Variants in ENOSF1 observed in about 807,000 individuals in gnomAD.
ENOSF1 encodes mitochondrial enolase superfamily member 1.
ENOSF1 carries 73 observed loss-of-function variants against 68.2 expected under a neutral mutation model. That is an observed-to-expected ratio of 1.07 (90% CI 0.89 to 1.30). The LOEUF is 1.30. Ranked by LOEUF, ENOSF1 falls within the 50% of genes most tolerant of loss-of-function variation. The pLI, the probability that ENOSF1 is intolerant of heterozygous loss-of-function variation, is 0.00. For missense variants in ENOSF1, 589 were observed against 554.5 expected (o/e 1.06, Z -0.62); for synonymous variants, 223 against 210.4 (o/e 1.06, Z -0.52).
intron 9 of ENOSF1, 86 bp from the exon 10 acceptor site, chr18:686,094 T>C: frequency 1.1e-6 from 1 of 898,954 alleles, no homozygotes; most frequent in African/African-American, 1.6e-5. Context: ...TGACCGTCTC[T>C]GTCAACAATT....
At chr18:688,645 A>G (rs1367852086) in intron 8 of ENOSF1, 37 bp from the exon 9 acceptor site, 1 of 1,594,316 alleles carries the variant, frequency 6.3e-7, no homozygotes, top group South Asian at 1.1e-5. Flanking sequence ...CACTGGAGAG[A>G]GCCCCTTGGT....
At chr18:689,296 T>G (rs1216437309) in intron 8 of ENOSF1, among the ~76,000 whole-genome samples, 1 of 152,150 alleles carries the variant, frequency 6.6e-6, no homozygotes, top group African/African-American at 2.4e-5. Context: ...TTTGTTGTTT[T>G]TTGAGACGGA....
At chr18:669,648 T>C (rs2606243), downstream of ENOSF1, among the ~76,000 whole-genome samples, 1 of 152,214 alleles carries the variant, frequency 6.6e-6, no homozygotes, top group South Asian at 2.1e-4. Context: ...ATGATCTTAA[T>C]TTGTGTATTT....
intron 10 of ENOSF1, among the ~76,000 whole-genome samples, chr18:684,377 A>T (rs1051361344): frequency 6.6e-6 from 1 of 151,958 alleles, no homozygotes; most frequent in East Asian, 1.9e-4. Context: ...AAAATACAAA[A>T]ATTAGCTGGG....
At chr18:693,090 C>A in intron 5 of ENOSF1, 6 of 1,288,628 alleles carry the variant, frequency 4.7e-6, no homozygotes, top group Non-Finnish European at 6.1e-6. Context: ...GAAACCCGGA[C>A]TCACAGCCAG....
At chr18:688,433 A>T in intron 9 of ENOSF1, 141 bp downstream of exon 9, 1 of 999,542 alleles carries the variant, frequency 1.0e-6, no homozygotes, top group South Asian at 1.5e-5. Flanking sequence ...CTAAGGGGAA[A>T]CTTCTCTTAT....
intron 4 of ENOSF1, 54 bp downstream of exon 4, chr18:694,194 A>T (rs964732015): frequency 1.3e-6 from 2 of 1,537,462 alleles, no homozygotes; most frequent in Non-Finnish European, 9.0e-7. Flanking sequence ...GCGTAGGGAA[A>T]GTCAGTGTCG....
downstream of ENOSF1, among the ~76,000 whole-genome samples, chr18:667,191 AGATGGTGATGGTGATGGT>A (rs1310449953): frequency 2.5e-5 from 1 of 40,014 alleles, no homozygotes; most frequent in East Asian, 1.2e-3. Context: ...ATGGTGATGG[AGATGGTGATGGTGATGGT>A]GATGGAGATG....
At chr18:667,541 TGATGGTGATGGA>T (rs1468414150), downstream of ENOSF1, among the ~76,000 whole-genome samples, 6 of 64,986 alleles carry the variant, frequency 9.2e-5, no homozygotes, top group East Asian at 1.1e-3. Flanking sequence ...ATGGTGATGG[TGATGGTGATGGA>T]GATGGTGATG....
chr18:712,296 G>A lies in ENOSF1; in HGVS notation c.84+208C>T, dbSNP rs2145597190. The A allele has an allele frequency of 8.6e-6, 13 of 1,518,052 alleles. 1 individual carries two copies. The highest frequency in any genetic ancestry group is 2.5e-5 in the East Asian group (1 of 40,092). The allele number at this position is 1,518,052 out of a possible 1,614,324, so 94.0% of individuals were successfully genotyped here. ...GCAATGGGTTCGAAGTCGGGAAGCT[G>A]CCCGGGGCCCGCAGAGCTGCAGTCG... On this transcript the variant is annotated intron_variant, in intron 1 of 15. Coordinates refer to ENST00000647584, the MANE Select transcript of ENOSF1 (RefSeq NM_017512.7).
chr18:670,847 G>A lies in ENOSF1; in HGVS notation c.*3458C>T. The stretch of plus-strand genomic sequence containing the variant: ...CTACGCCCTGCTCACGTACATGATT[G>A]CGCACATCACGGGCCTGAAGGTGGG... On this transcript the variant is annotated 3_prime_UTR_variant, in exon 16 of 16. Transcript: ENST00000647584. 6.2e-7 allele frequency: 1 copy of A among 1,614,098 alleles called. No homozygotes were observed. The highest frequency in any genetic ancestry group is 8.5e-7 in the Non-Finnish European group (1 of 1,180,032).
rs773302484 is a variant in ENOSF1 at position 706,627 on chromosome 18, G to A, written c.85-49C>T. The A allele has an allele frequency of 4.7e-5, 65 of 1,372,218 alleles. No homozygotes were observed. In the African/African-American group the frequency reaches 5.0e-4, roughly 10 times the overall value. 85.0% of individuals were successfully genotyped at this position (1,372,218 alleles called of 1,614,324 possible). A position where few individuals can be genotyped will look rare whatever the true frequency, so the allele number is the denominator to read the frequency against. On this transcript the variant is annotated intron_variant, in intron 1 of 15. Transcript: ENST00000647584. ...GAAACAATGCCAGTGTGAGAAACCC[G>A]AAAAGAACCATGAGAATGATGTCAC... is the stretch of plus-strand genomic sequence containing the variant.
At chr18:687,467 C>T (rs1339567352) in intron 9 of ENOSF1, 1 of 152,206 alleles carries the variant, frequency 6.6e-6, no homozygotes, top group Non-Finnish European at 1.5e-5. Flanking sequence ...GATGCTGGAG[C>T]TCCTGCTCCA....
rs547560904 is a variant in ENOSF1 at position 686,151 on chromosome 18, A to T, written c.654-143T>A. On this transcript the variant is annotated intron_variant, in intron 9 of 15. Coordinates refer to ENST00000647584, the MANE Select transcript of ENOSF1 (RefSeq NM_017512.7). ...CCTCTTGCTCTTTCCTCATCTTCAGATAAGTCACTTGAAATAAACCTGGGA... is the reference window on the plus strand; with the variant it reads ...CCTCTTGCTCTTTCCTCATCTTCAGTTAAGTCACTTGAAATAAACCTGGGA... 1.3e-4 allele frequency: 87 copies of T among 651,716 alleles called. No homozygotes were observed. The East Asian group carries it at 2.3e-3, about 17-fold the overall frequency. The allele number at this position is 651,716 out of a possible 1,614,324, so 40.4% of individuals were successfully genotyped here.
At chr18:697,091 T>C (rs1295034861) in intron 3 of ENOSF1, 149 bp downstream of exon 3, 2 of 656,620 alleles carry the variant, frequency 3.0e-6, no homozygotes, top group Middle Eastern at 4.3e-4. Context: ...CACTCCAACG[T>C]GGGTGACAGA....
At chr18:690,894 G>A in intron 7 of ENOSF1, 174 bp downstream of exon 7, 2 of 1,205,906 alleles carry the variant, frequency 1.7e-6, no homozygotes, top group Non-Finnish European at 1.1e-6. Flanking sequence ...AGCAAACTCT[G>A]CAGTCAGAGG....
At chr18:679,769 C>T (rs548864306) in intron 11 of ENOSF1, among the ~76,000 whole-genome samples, 104 of 152,222 alleles carry the variant, frequency 6.8e-4, no homozygotes, top group African/African-American at 2.4e-3. Context: ...TCTGGGCGCT[C>T]CCATCCATCC....
chr18:699,921 A>C (rs1310377785), intron 2 of ENOSF1, among the ~76,000 whole-genome samples: 1 of 152,192 alleles, frequency 6.6e-6, no homozygotes, highest in Non-Finnish European at 1.5e-5. Flanking sequence ...CTCTACTAAA[A>C]ATACAAAAAT....
At chr18:706,647 TG>T in intron 1 of ENOSF1, 69 bp from the exon 2 acceptor site, 1 of 1,189,106 alleles carries the variant, frequency 8.4e-7, no homozygotes, top group Non-Finnish European at 1.3e-6. Context: ...ATGAGAATGA[TG>T]TCACATGAGG....
Sources: gnomAD v4.1 joint callset for allele counts (sites outside exome capture counted in the v4.1 genomes callset) on GRCh38, gnomAD v4.1.1 for gene constraint, MANE v1.5 for transcripts, NCBI Gene and HGNC (gene_info 2026-07-23, HGNC 2026-07-21) for gene names.